The following TBL1XR1 variants were observed in gnomAD, a reference collection of about 807,000 sequenced individuals.
The protein encoded by TBL1XR1 is TBL1X/Y related 1.
TBL1XR1 carries 5 observed loss-of-function variants against 66.9 expected under a neutral mutation model. That is an observed-to-expected ratio of 0.07 (90% CI 0.04 to 0.16). The LOEUF is 0.16. Among genes scored for constraint, TBL1XR1 ranks in the 10% least tolerant of loss-of-function variants. TBL1XR1 has a pLI of 1.00. For missense variants in TBL1XR1, 238 were observed against 623.2 expected, an observed-to-expected ratio of 0.38 and a Z score of 6.58; for synonymous variants, 210 against 206.0, an observed-to-expected ratio of 1.02 and a Z score of -0.17.
At chr3:177,025,763 ACT>A (rs777234458) in intron 15 of TBL1XR1, among the ~76,000 whole-genome samples, 28 of 152,150 alleles carry the variant, frequency 1.8e-4, no homozygotes, top group African/African-American at 3.1e-4. Context: ...GGATTTTTAT[ACT>A]CTCTGTTGAT....
upstream of TBL1XR1, among the ~76,000 whole-genome samples, chr3:177,201,518 T>G (rs6806386): frequency 0.44 from 66,281 of 151,836 alleles, 16,188 homozygotes; most frequent in Non-Finnish European, 0.55. Context: ...TTTGCAACTT[T>G]CATCGCTAAA....
intron 1 of TBL1XR1, among the ~76,000 whole-genome samples, chr3:177,101,616 T>C (rs189545432): frequency 6.5e-4 from 99 of 152,292 alleles, no homozygotes; most frequent in African/African-American, 2.3e-3. Flanking sequence ...CCCTCCAACA[T>C]GTTATAAAGC....
In TBL1XR1 at chr3:177,175,771, T is replaced by C. The variant is rs1734075043; in HGVS notation, c.-122+21350A>G. On this transcript the variant is annotated intron_variant, in intron 1 of 15. Transcript: ENST00000457928. ...CTAATGAAGCATTAAAATAATAAGT[T>C]ATTCAGGCCAGGCGCGGTGGCTCAT... 2.0e-5 allele frequency among the ~76,000 whole-genome samples: 3 copies of C among 152,092 alleles called. No individual in the cohort carries two copies. In the South Asian group the frequency reaches 6.2e-4, roughly 32 times the overall value.
At position 177,135,338 on chromosome 3, in the gene TBL1XR1, CATATATATATATAT is replaced by C. The variant is rs1177634107; in HGVS notation, c.-121-36811_-121-36798del. ...GTGTGTGTGTGTGTGTGTGTGTATA[CATATATATATATAT>C]ATATATATATATATATATATATATA... On this transcript the variant is annotated intron_variant, in intron 1 of 15. Transcript: ENST00000457928. 6.2e-4 allele frequency among the ~76,000 whole-genome samples: 14 copies of C among 22,484 alleles called. 1 individual carries two copies. The highest frequency in any genetic ancestry group is 0.031 in the Middle Eastern group (1 of 32). 14.8% of individuals were successfully genotyped at this position (22,484 alleles called of 152,430 possible). A position where few individuals can be genotyped will look rare whatever the true frequency, so the allele number is the denominator to read the frequency against.
chr3:177,039,298 A>G (rs1241896138), intron 10 of TBL1XR1, among the ~76,000 whole-genome samples: 1 of 152,206 alleles, frequency 6.6e-6, no homozygotes, highest in African/African-American at 2.4e-5. Flanking sequence ...CTTAGTACAC[A>G]TGGTGAAGAC....
At chr3:177,126,210 A>C (rs544928860) in intron 1 of TBL1XR1, 1 of 152,294 alleles carries the variant, frequency 6.6e-6, no homozygotes, top group Admixed American at 6.5e-5. Flanking sequence ...TGAATCCCAC[A>C]CCACTTTCTG....
intron 1 of TBL1XR1, among the ~76,000 whole-genome samples, chr3:177,193,274 C>G (rs557858746): frequency 6.6e-6 from 1 of 152,264 alleles, no homozygotes; most frequent in East Asian, 1.9e-4. Context: ...CACTATGCTA[C>G]AACACAAAGA....
rs529990993 is a variant in TBL1XR1 at position 177,192,179 on chromosome 3, C to T, written c.-122+4942G>A. 1.0e-3 allele frequency among the ~76,000 whole-genome samples: 153 copies of T among 151,240 alleles called. 1 individual carries two copies. Among genetic ancestry groups the T allele is most frequent in the African/African-American group, 3.6e-3 (147 of 41,212 alleles). On this transcript the variant is annotated intron_variant, in intron 1 of 15. Coordinates refer to ENST00000457928, the MANE Select transcript of TBL1XR1 (RefSeq NM_024665.7). ...TTGGGAGGCCAAAGCGGGCAGATCA[C>T]AAGGTCAAGAGATGGAGACCACATG...
At chr3:177,090,331 A>G (rs958069207) in intron 2 of TBL1XR1, among the ~76,000 whole-genome samples, 2 of 152,160 alleles carry the variant, frequency 1.3e-5, no homozygotes, top group South Asian at 2.1e-4. Context: ...TATGATTATA[A>G]AACAAAATAA....
intron 14 of TBL1XR1, among the ~76,000 whole-genome samples, chr3:177,031,060 C>T (rs745649102): frequency 3.9e-4 from 59 of 152,022 alleles, no homozygotes; most frequent in Non-Finnish European, 6.8e-4. Context: ...TGCAGTTAGC[C>T]GAGATCGTGC....
upstream of TBL1XR1, among the ~76,000 whole-genome samples, chr3:177,198,090 GA>G (rs1440620501): frequency 1.3e-5 from 2 of 152,132 alleles, no homozygotes; most frequent in African/African-American, 2.4e-5. Context: ...ATTTGTTTGT[GA>G]AAATCTCTGT....
chr3:177,135,307 C>CTGTCTGTGTGTGTGTGTGTGTGTGTGTG (rs1553852678), intron 1 of TBL1XR1, among the ~76,000 whole-genome samples: 1 of 72,602 alleles, frequency 1.4e-5, no homozygotes, highest in Non-Finnish European at 2.7e-5. Flanking sequence ...AGGCCGCACT[C>CTGTCTGTGTGTGTGTGTGTGTGTGTGTG]TGTGTGTGTG....
At chr3:177,030,258 T>G (rs1035123429) in intron 14 of TBL1XR1, among the ~76,000 whole-genome samples, 7 of 151,710 alleles carry the variant, frequency 4.6e-5, no homozygotes, top group African/African-American at 1.7e-4. Context: ...AATAGGAAAA[T>G]AAATTTGAAA....
chr3:177,167,355 A>C (rs558971616), intron 1 of TBL1XR1, among the ~76,000 whole-genome samples: 1 of 152,252 alleles, frequency 6.6e-6, no homozygotes, highest in Non-Finnish European at 1.5e-5. Context: ...TAGGTGAAGC[A>C]CAAAAAATGT....
intron 2 of TBL1XR1, among the ~76,000 whole-genome samples, chr3:177,070,838 T>A (rs1329942165): frequency 3.3e-5 from 5 of 150,176 alleles, no homozygotes; most frequent in Non-Finnish European, 5.9e-5. Context: ...TAAGCAAGAC[T>A]CCGTCTCAAA....
chr3:177,103,066 T>C (rs566114141), intron 1 of TBL1XR1, among the ~76,000 whole-genome samples: 1 of 152,314 alleles, frequency 6.6e-6, no homozygotes, highest in East Asian at 1.9e-4. Flanking sequence ...GAAATAGATA[T>C]AAACATATTT....
chr3:177,030,133 G>C (rs6768603), intron 14 of TBL1XR1, among the ~76,000 whole-genome samples: 10 of 101,856 alleles, frequency 9.8e-5, no homozygotes, highest in Non-Finnish European at 1.3e-4. Context: ...TATATATATA[G>C]AGAGAGAGAG....
chr3:177,025,394 G>A lies in TBL1XR1; in HGVS notation c.*104C>T. ...ATTTCTTTTAGATTTGGCTGTAGTG[G>A]ACTGGCCATGGTTCAAGTGGGACTA... On this transcript the variant is annotated 3_prime_UTR_variant, in exon 16 of 16. Coordinates refer to ENST00000457928, the MANE Select transcript of TBL1XR1 (RefSeq NM_024665.7). The A allele has an allele frequency of 3.3e-6, 4 of 1,198,802 alleles. No individual in the cohort carries two copies. The highest frequency in any genetic ancestry group is 3.6e-6 in the Non-Finnish European group (3 of 824,600). The allele number at this position is 1,198,802 out of a possible 1,614,324, so 74.3% of individuals were successfully genotyped here.
intron 1 of TBL1XR1, among the ~76,000 whole-genome samples, chr3:177,189,734 C>T (rs1385213081): frequency 6.6e-6 from 1 of 151,234 alleles, no homozygotes; most frequent in Admixed American, 6.6e-5. Flanking sequence ...TAATACAGCA[C>T]AGTCTTACCA....
Sources: gnomAD v4.1 joint callset for allele counts (sites outside exome capture counted in the v4.1 genomes callset) on GRCh38, gnomAD v4.1.1 for gene constraint, MANE v1.5 for transcripts, NCBI Gene and HGNC (gene_info 2026-07-23, HGNC 2026-07-21) for gene names.